The following WWOX variants were observed in gnomAD, a reference collection of about 807,000 sequenced individuals.
WWOX encodes the protein WW domain containing oxidoreductase.
Under a neutral mutation model 46.2 loss-of-function variants are expected in WWOX, and 69 were observed. That is an observed-to-expected ratio of 1.49 (90% confidence interval 1.23 to 1.82). WWOX has a LOEUF of 1.82. Among genes scored for constraint, WWOX ranks in the 40% most tolerant of loss-of-function variants. The pLI is 0.00. For missense variants in WWOX, 919 were observed against 542.6 expected (o/e 1.69, Z -6.89); for synonymous variants, 359 against 202.6 (o/e 1.77, Z -6.56).
intron 8 of WWOX, among the ~76,000 whole-genome samples, chr16:78,906,216 C>T (rs1301407027): frequency 6.6e-6 from 1 of 152,104 alleles, no homozygotes; most frequent in Non-Finnish European, 1.5e-5. Flanking sequence ...TGAGTTATCT[C>T]CCTGGGCCTT....
At chr16:78,724,607 C>T (rs1292638126) in intron 8 of WWOX, among the ~76,000 whole-genome samples, 1 of 152,160 alleles carries the variant, frequency 6.6e-6, no homozygotes, top group Non-Finnish European at 1.5e-5. Flanking sequence ...GTGTAGTCCC[C>T]TAGTGAAATG....
intron 8 of WWOX, among the ~76,000 whole-genome samples, chr16:79,095,050 G>A (rs2049041132): frequency 6.6e-6 from 1 of 152,106 alleles, no homozygotes; most frequent in African/African-American, 2.4e-5. Flanking sequence ...ACAAATTGAG[G>A]CAAAATAATC....
chr16:78,713,330 C>T (rs980531037), intron 8 of WWOX, among the ~76,000 whole-genome samples: 15 of 132,482 alleles, frequency 1.1e-4, no homozygotes, highest in African/African-American at 4.0e-4. Context: ...AACTTCTAGA[C>T]AGGGCATGGT....
At chr16:78,716,597 G>A (rs967947281) in intron 8 of WWOX, among the ~76,000 whole-genome samples, 10 of 152,024 alleles carry the variant, frequency 6.6e-5, no homozygotes, top group African/African-American at 2.4e-4. Flanking sequence ...GCAAGTTCGT[G>A]TGGTTCTGTG....
intron 8 of WWOX, among the ~76,000 whole-genome samples, chr16:78,509,249 G>A (rs980648827): frequency 6.6e-6 from 1 of 152,200 alleles, no homozygotes; most frequent in African/African-American, 2.4e-5. Context: ...GACCAGCCTG[G>A]CCAACATGGC....
chr16:78,407,850 C>T (rs544943525), intron 6 of WWOX, among the ~76,000 whole-genome samples: 8 of 152,274 alleles, frequency 5.3e-5, no homozygotes, highest in South Asian at 2.1e-4. Context: ...TGGGCAAACA[C>T]GCACTTCCTA....
chr16:78,270,133 T>G (rs941961209), intron 5 of WWOX: 2 of 152,142 alleles, frequency 1.3e-5, no homozygotes, highest in African/African-American at 4.8e-5. Context: ...ATAAATCTGC[T>G]TGATTGGTTC....
At chr16:78,842,328 TAAAA>T (rs34346754) in intron 8 of WWOX, among the ~76,000 whole-genome samples, 2 of 118,244 alleles carry the variant, frequency 1.7e-5, no homozygotes. Context: ...ACCCCATCTC[TAAAA>T]AAAAAAAAAA....
At chr16:78,390,756 C>T (rs2082158686) in intron 6 of WWOX, among the ~76,000 whole-genome samples, 1 of 152,080 alleles carries the variant, frequency 6.6e-6, no homozygotes, top group Non-Finnish European at 1.5e-5. Context: ...TCTTATCACC[C>T]CCCATCTTCA....
intron 8 of WWOX, among the ~76,000 whole-genome samples, chr16:78,874,255 CAAA>C (rs55971104): frequency 4.4e-5 from 4 of 91,514 alleles, no homozygotes; most frequent in Non-Finnish European, 6.7e-5. Flanking sequence ...GACTCTGTCT[CAAA>C]AAAAAAAAAA....
intron 8 of WWOX, among the ~76,000 whole-genome samples, chr16:78,944,200 C>T (rs948512500): frequency 4.6e-5 from 7 of 152,078 alleles, no homozygotes; most frequent in Admixed American, 6.5e-5. Context: ...TCCCATCCTT[C>T]TGGATAATCT....
intron 8 of WWOX, among the ~76,000 whole-genome samples, chr16:78,884,674 T>C (rs2044416103): frequency 6.6e-6 from 1 of 152,200 alleles, no homozygotes. Context: ...GGGTAGAGGA[T>C]GGATGGGAGC....
At chr16:78,941,333 T>G (rs1308901621) in intron 8 of WWOX, among the ~76,000 whole-genome samples, 6 of 152,178 alleles carry the variant, frequency 3.9e-5, no homozygotes, top group Non-Finnish European at 7.3e-5. Flanking sequence ...TGTTGATTAT[T>G]TCTTCATTTT....
At chr16:78,223,464 T>C (rs1381197493) in intron 5 of WWOX, among the ~76,000 whole-genome samples, 2 of 152,056 alleles carry the variant, frequency 1.3e-5, no homozygotes, top group Non-Finnish European at 2.9e-5. Context: ...TGTTGATGGG[T>C]CTGCAAGAGG....
At chr16:78,105,035 C>G (rs149433150) in intron 1 of WWOX, among the ~76,000 whole-genome samples, 2 of 152,318 alleles carry the variant, frequency 1.3e-5, no homozygotes, top group East Asian at 3.9e-4. Context: ...CCGGATTCTT[C>G]CCCAGGGATG....
chr16:79,065,968 C>T (rs2048433679), intron 8 of WWOX, among the ~76,000 whole-genome samples: 1 of 152,162 alleles, frequency 6.6e-6, no homozygotes, highest in African/African-American at 2.4e-5. Context: ...CATGTCTCTC[C>T]TCTTTGTACC....
chr16:78,280,015 C>T (rs1022340021), intron 5 of WWOX, among the ~76,000 whole-genome samples: 3 of 152,234 alleles, frequency 2.0e-5, no homozygotes, highest in Non-Finnish European at 4.4e-5. Context: ...CTGCAAAAGT[C>T]ATCAAAATCA....
chr16:78,541,542 A>C (rs536483935), intron 8 of WWOX, among the ~76,000 whole-genome samples: 2 of 150,012 alleles, frequency 1.3e-5, no homozygotes, highest in South Asian at 4.2e-4. Context: ...ACAGAAATAC[A>C]CTGAGATATC....
At chr16:78,748,831 G>A (rs2049410979) in intron 8 of WWOX, among the ~76,000 whole-genome samples, 1 of 152,202 alleles carries the variant, frequency 6.6e-6, no homozygotes, top group African/African-American at 2.4e-5. Context: ...CCAAATCCTT[G>A]TAAAGCCATA....
Sources: gnomAD v4.1 joint callset for allele counts (sites outside exome capture counted in the v4.1 genomes callset) on GRCh38, gnomAD v4.1.1 for gene constraint, MANE v1.5 for transcripts, NCBI Gene and HGNC (gene_info 2026-07-23, HGNC 2026-07-21) for gene names.